Variants in SH3D19 observed in about 807,000 individuals in gnomAD.
SH3D19 encodes the protein SH3 domain containing 19, also known as SH3 domain-containing protein 19.
Under a neutral mutation model 112.1 loss-of-function variants are expected in SH3D19, and 58 were observed. That is an observed-to-expected ratio of 0.52 (90% CI 0.42 to 0.64). The LOEUF is 0.64. Ranked by LOEUF, SH3D19 falls within the 30% of genes least tolerant of loss-of-function variation. SH3D19 has a pLI of 0.00. For missense variants in SH3D19, 1,090 were observed against 1,263.4 expected, an observed-to-expected ratio of 0.86 and a Z score of 2.08; for synonymous variants, 391 against 448.5, an observed-to-expected ratio of 0.87 and a Z score of 1.62.
At chr4:151,254,386 T>C (rs1168295655) in intron 1 of SH3D19, among the ~76,000 whole-genome samples, 2 of 150,476 alleles carry the variant, frequency 1.3e-5, no homozygotes, top group Admixed American at 1.3e-4. Context: ...TTTGGCAGGG[T>C]CATAGGACAA....
At chr4:151,186,075 T>C (rs1229622358) in intron 3 of SH3D19, among the ~76,000 whole-genome samples, 4 of 152,064 alleles carry the variant, frequency 2.6e-5, no homozygotes, top group Non-Finnish European at 4.4e-5. Context: ...TTTCTAAAAA[T>C]AGGGCACATT....
chr4:151,175,671 A>C lies in SH3D19; in HGVS notation c.533T>G (p.Leu178Arg). The change falls in exon 7 of 20, where the codon CTA becomes CGA. Residue 178 changes from leucine to arginine, a missense_variant. Coordinates refer to ENST00000604030, the MANE Select transcript of SH3D19 (RefSeq NM_001378122.1). ...EEIDNDLPQT[L>R]QAPLKPLQPF... is the part of the protein sequence containing the mutation. Reference sequence around the variant, plus strand: ...CTGAAGAGGCTTGAGAGGTGCCTGTAGTGCTGACGAGACCAAAACAAAACC... The same window carrying C: ...CTGAAGAGGCTTGAGAGGTGCCTGTCGTGCTGACGAGACCAAAACAAAACC... 1.6e-6 allele frequency: 2 copies of C among 1,255,130 alleles called. No individual in the cohort carries two copies. Among genetic ancestry groups the C allele is most frequent in the Middle Eastern group, 3.1e-4 (1 of 3,258 alleles). 77.7% of individuals were successfully genotyped at this position (1,255,130 alleles called of 1,614,324 possible).
At chr4:151,245,318 T>C (rs1770863287) in intron 1 of SH3D19, among the ~76,000 whole-genome samples, 1 of 128,804 alleles carries the variant, frequency 7.8e-6, no homozygotes, top group South Asian at 2.3e-4. Flanking sequence ...TCCTTGTTAA[T>C]TTTTTTTTTA....
intron 3 of SH3D19, among the ~76,000 whole-genome samples, chr4:151,181,261 G>T (rs1382206602): frequency 6.6e-6 from 1 of 152,082 alleles, no homozygotes; most frequent in East Asian, 1.9e-4. Context: ...TGGAAGCATA[G>T]ATCTTTCCCC....
intron 1 of SH3D19, chr4:151,277,339 C>A: frequency 2.6e-6 from 2 of 765,008 alleles, no homozygotes; most frequent in Non-Finnish European, 3.7e-6. Context: ...GTAGCACAGC[C>A]TGAGAAGGTC....
intron 1 of SH3D19, among the ~76,000 whole-genome samples, chr4:151,270,094 A>C (rs1196103796): frequency 2.0e-5 from 3 of 152,192 alleles, no homozygotes; most frequent in African/African-American, 7.2e-5. Flanking sequence ...GGTACACTGT[A>C]AAATAATGAT....
intron 1 of SH3D19, among the ~76,000 whole-genome samples, chr4:151,316,963 C>T (rs4696246): frequency 0.31 from 46,906 of 152,178 alleles, 7,577 homozygotes; most frequent in East Asian, 0.37. Context: ...GTAGAATTTC[C>T]CTCATACATG....
At chr4:151,301,668 C>A (rs1445833069) in intron 1 of SH3D19, among the ~76,000 whole-genome samples, 1 of 152,148 alleles carries the variant, frequency 6.6e-6, no homozygotes, top group East Asian at 1.9e-4. Flanking sequence ...AGCCATGCTT[C>A]CTGTACAGCC....
chr4:151,203,391 A>G (rs1764671253), intron 2 of SH3D19, among the ~76,000 whole-genome samples: 1 of 152,214 alleles, frequency 6.6e-6, no homozygotes, highest in Non-Finnish European at 1.5e-5. Flanking sequence ...TATTTTTGCA[A>G]GTAGCTTCAA....
At chr4:151,312,484 T>A (rs1488776225) in intron 1 of SH3D19, among the ~76,000 whole-genome samples, 3 of 152,190 alleles carry the variant, frequency 2.0e-5, no homozygotes, top group Non-Finnish European at 4.4e-5. Context: ...GTTTCAAAGT[T>A]GATTCTGATG....
intron 8 of SH3D19, among the ~76,000 whole-genome samples, chr4:151,165,364 G>A (rs1757828584): frequency 6.6e-6 from 1 of 151,910 alleles, no homozygotes; most frequent in Non-Finnish European, 1.5e-5. Context: ...GGAAGGGAAG[G>A]GAAAGGGAAG....
chr4:151,220,214 T>G (rs985299004), intron 2 of SH3D19, among the ~76,000 whole-genome samples: 13 of 152,244 alleles, frequency 8.5e-5, no homozygotes, highest in African/African-American at 3.1e-4. Flanking sequence ...TTGCCTTGGT[T>G]AGTCTTGCTC....
chr4:151,279,876 CT>C, intron 1 of SH3D19: 1 of 1,398,146 alleles, frequency 7.2e-7, no homozygotes, highest in Non-Finnish European at 1.0e-6. Context: ...GCAGGTCAGC[CT>C]ACACTTTGAC....
chr4:151,283,793 T>C (rs1424692225), intron 1 of SH3D19, among the ~76,000 whole-genome samples: 1 of 152,166 alleles, frequency 6.6e-6, no homozygotes, highest in Non-Finnish European at 1.5e-5. Context: ...TAGACTTTTA[T>C]AGACCTGTAT....
At chr4:151,226,500 GA>G in intron 1 of SH3D19, 5 of 987,062 alleles carry the variant, frequency 5.1e-6, no homozygotes, top group East Asian at 1.1e-4. Flanking sequence ...TGGGGAGGGG[GA>G]AAAATGAGCA....
At chr4:151,169,040 TGGCCTC>T (rs1224772898) in intron 7 of SH3D19, among the ~76,000 whole-genome samples, 1 of 152,134 alleles carries the variant, frequency 6.6e-6, no homozygotes, top group African/African-American at 2.4e-5. Flanking sequence ...GTGGGAAGAA[TGGCCTC>T]AGGAAATCCT....
intron 2 of SH3D19, among the ~76,000 whole-genome samples, chr4:151,208,553 A>T (rs997310411): frequency 2.0e-5 from 3 of 151,966 alleles, no homozygotes; most frequent in Non-Finnish European, 2.9e-5. Flanking sequence ...TGTATTTAGT[A>T]GAAATGGGGT....
chr4:151,298,921 A>C (rs910400852), intron 1 of SH3D19, among the ~76,000 whole-genome samples: 3 of 152,228 alleles, frequency 2.0e-5, no homozygotes, highest in East Asian at 1.9e-4. Context: ...AAAACAAAAA[A>C]CAAAATGTCA....
chr4:151,325,327 T>G lies in SH3D19; in HGVS notation c.26A>C (p.Asp9Ala). The G allele has an allele frequency of 4.1e-6, 5 of 1,216,454 alleles. No individual in the cohort carries two copies. The highest frequency in any genetic ancestry group is 5.1e-6 in the Non-Finnish European group (5 of 978,086). 75.4% of individuals were successfully genotyped at this position (1,216,454 alleles called of 1,614,324 possible). The change falls in exon 1 of 20, where the codon GAC (aspartate) becomes GCC (alanine). Residue 9 changes from aspartate (D) to alanine (A), a missense_variant. Coordinates refer to ENST00000604030, the MANE Select transcript of SH3D19 (RefSeq NM_001378122.1). ...GCGCTCGCGTAGCTCTTCCTCCTCG[T>G]CCTCCCGCCGCCGGCCCTCAGCCAT... MAEGRRRE[D>A]EEEELRERRE...
Sources: allele counts gnomAD v4.1 joint callset (sites outside exome capture counted in the v4.1 genomes callset), GRCh38; gene constraint gnomAD v4.1.1; transcripts MANE v1.5; gene names NCBI Gene and HGNC (gene_info 2026-07-23, HGNC 2026-07-21).